Variants in FHIT observed in about 807,000 individuals in gnomAD.
FHIT encodes bis(5'-adenosyl)-triphosphatase.
FHIT carries 19 observed loss-of-function variants against 17.9 expected under a neutral mutation model. That is an observed-to-expected ratio of 1.06 (90% CI 0.74 to 1.56). The LOEUF (loss-of-function observed/expected upper bound fraction) is 1.56, where lower values mean the gene tolerates loss of function less well. FHIT is among the 40% of genes most tolerant of loss of function. The probability of loss-of-function intolerance (pLI) is 0.00; values close to 1 mark genes in which losing one functional copy is unlikely to be tolerated. For missense variants in FHIT, 248 were observed against 189.2 expected (o/e 1.31, Z -1.82); for synonymous variants, 81 against 69.7 (o/e 1.16, Z -0.81).
intron 5 of FHIT, among the ~76,000 whole-genome samples, chr3:60,116,381 G>A (rs564280502): frequency 5.3e-5 from 8 of 152,092 alleles, no homozygotes; most frequent in Non-Finnish European, 7.4e-5. Context: ...TCTCGATAGC[G>A]GGCATCACCA....
chr3:60,027,129 ACAC>A (rs1700775512), intron 5 of FHIT, among the ~76,000 whole-genome samples: 2 of 131,274 alleles, frequency 1.5e-5, no homozygotes, highest in Non-Finnish European at 1.6e-5. Flanking sequence ...ACACACACAC[ACAC>A]ACACACACAC....
chr3:61,249,514 C>T (rs896781029), intron 1 of FHIT, among the ~76,000 whole-genome samples: 4 of 152,126 alleles, frequency 2.6e-5, no homozygotes, highest in African/African-American at 9.7e-5. Flanking sequence ...CTCCTCAGCT[C>T]TGTAAGGTAA....
intron 4 of FHIT, among the ~76,000 whole-genome samples, chr3:60,563,171 G>A (rs967348807): frequency 5.8e-4 from 88 of 152,268 alleles, no homozygotes; most frequent in African/African-American, 2.1e-3. Context: ...CTACAAAGGC[G>A]AGCCCGATGG....
chr3:60,743,563 C>T (rs1553714443), intron 4 of FHIT, among the ~76,000 whole-genome samples: 1 of 152,218 alleles, frequency 6.6e-6, no homozygotes, highest in African/African-American at 2.4e-5. Context: ...TGGATGACTT[C>T]ACACCACAGT....
At chr3:59,750,797 GACTT>G (rs5849296) in intron 9 of FHIT, 24,180 of 210,634 alleles carry the variant, frequency 0.11, 1,738 homozygotes, top group African/African-American at 0.18. Context: ...ATCCAGTAAA[GACTT>G]ACTTACATTT....
At chr3:60,842,854 C>T (rs1404844610) in intron 3 of FHIT, among the ~76,000 whole-genome samples, 2 of 151,822 alleles carry the variant, frequency 1.3e-5, no homozygotes, top group East Asian at 1.9e-4. Flanking sequence ...CTATCCATCC[C>T]AGCTGGGAAG....
chr3:60,476,158 T>G (rs34197269), intron 5 of FHIT, among the ~76,000 whole-genome samples: 11,783 of 152,210 alleles, frequency 0.077, 618 homozygotes, highest in African/African-American at 0.15. Flanking sequence ...TATGCACCAT[T>G]TGCAAAGTTA....
chr3:60,964,518 T>C (rs1178947079), intron 3 of FHIT, among the ~76,000 whole-genome samples: 6 of 152,222 alleles, frequency 3.9e-5, no homozygotes, highest in African/African-American at 1.4e-4. Context: ...GTGCAGTTTC[T>C]TCCTAGCATC....
chr3:60,930,726 A>T (rs532790223), intron 3 of FHIT, among the ~76,000 whole-genome samples: 1 of 152,274 alleles, frequency 6.6e-6, no homozygotes, highest in South Asian at 2.1e-4. Context: ...CAGGTGCTGG[A>T]GAGGATGTGG....
intron 5 of FHIT, among the ~76,000 whole-genome samples, chr3:60,065,151 T>C (rs3856666): frequency 0.025 from 3,876 of 152,088 alleles, 73 homozygotes; most frequent in Non-Finnish European, 0.039. Context: ...ACTAGGAAGT[T>C]TGGAAAAATG....
chr3:60,195,364 C>T (rs1453094363), intron 5 of FHIT, among the ~76,000 whole-genome samples: 1 of 151,506 alleles, frequency 6.6e-6, no homozygotes, highest in Non-Finnish European at 1.5e-5. Flanking sequence ...TCTCAAAGAT[C>T]TAAAAGTTGA....
At chr3:59,848,881 C>T (rs1450405640) in intron 8 of FHIT, among the ~76,000 whole-genome samples, 3 of 152,202 alleles carry the variant, frequency 2.0e-5, no homozygotes, top group Non-Finnish European at 2.9e-5. Context: ...GTCTCTCATC[C>T]TTCACTCTTG....
chr3:60,543,105 T>G (rs974712831), intron 4 of FHIT, among the ~76,000 whole-genome samples: 1 of 152,192 alleles, frequency 6.6e-6, no homozygotes, highest in Non-Finnish European at 1.5e-5. Flanking sequence ...TTGCACATTT[T>G]TTTTTTCTGT....
At chr3:60,071,893 C>T (rs1386991237) in intron 5 of FHIT, among the ~76,000 whole-genome samples, 1 of 152,156 alleles carries the variant, frequency 6.6e-6, no homozygotes, top group Non-Finnish European at 1.5e-5. Context: ...CGGAGTTCCC[C>T]TCTACACAAG....
chr3:60,057,549 A>T (rs761223170), intron 5 of FHIT, among the ~76,000 whole-genome samples: 1 of 152,228 alleles, frequency 6.6e-6, no homozygotes, highest in Admixed American at 6.5e-5. Context: ...ACAAAGGATG[A>T]TATTGTGATT....
At chr3:60,689,153 C>T (rs1553699096) in intron 4 of FHIT, among the ~76,000 whole-genome samples, 1 of 152,184 alleles carries the variant, frequency 6.6e-6, no homozygotes, top group African/African-American at 2.4e-5. Context: ...TTTTTGCCTG[C>T]TGCCATCCAC....
intron 4 of FHIT, among the ~76,000 whole-genome samples, chr3:60,786,318 T>G (rs56129149): frequency 1.3e-5 from 2 of 152,036 alleles, no homozygotes; most frequent in African/African-American, 4.8e-5. Flanking sequence ...AAGTAACTTA[T>G]GGAAATGAAA....
At chr3:60,924,900 T>TACG (rs1309690843) in intron 3 of FHIT, among the ~76,000 whole-genome samples, 1 of 152,176 alleles carries the variant, frequency 6.6e-6, no homozygotes, top group African/African-American at 2.4e-5. Flanking sequence ...GCACCAGAAC[T>TACG]ACGTGACGAA....
chr3:60,790,044 G>C (rs1700722375), intron 4 of FHIT, among the ~76,000 whole-genome samples: 1 of 152,146 alleles, frequency 6.6e-6, no homozygotes, highest in Admixed American at 6.5e-5. Flanking sequence ...ATATAAATAG[G>C]CTAATACTCT....
Sources: gnomAD v4.1 joint callset for allele counts (sites outside exome capture counted in the v4.1 genomes callset) on GRCh38, gnomAD v4.1.1 for gene constraint, MANE v1.5 for transcripts, NCBI Gene and HGNC (gene_info 2026-07-23, HGNC 2026-07-21) for gene names.